CFAP97: variants seen among roughly 807,000 people sequenced by gnomAD.
CFAP97 encodes the protein cilia- and flagella-associated protein 97.
Under a neutral mutation model 43.1 loss-of-function variants are expected in CFAP97, and 36 were observed. The observed-to-expected ratio is 0.84, with a 90% confidence interval of 0.64 to 1.10. CFAP97 has a LOEUF of 1.10. Among genes scored for constraint, CFAP97 ranks in the 50% least tolerant of loss-of-function variants. CFAP97 has a pLI of 0.00. For missense variants in CFAP97, 657 were observed against 620.3 expected (o/e 1.06, Z -0.63); for synonymous variants, 228 against 225.7 (o/e 1.01, Z -0.09).
intron 2 of CFAP97, among the ~76,000 whole-genome samples, chr4:185,186,293 C>T (rs1341926853): frequency 6.6e-6 from 1 of 151,918 alleles, no homozygotes; most frequent in African/African-American, 2.4e-5. Context: ...ATTAGCCAGG[C>T]GTGGTGGAGG....
chr4:185,167,689 C>G (rs976464190), intron 3 of CFAP97, among the ~76,000 whole-genome samples: 8 of 151,994 alleles, frequency 5.3e-5, no homozygotes, highest in African/African-American at 1.9e-4. Context: ...AAAATAGTGC[C>G]TAGTATCTAG....
chr4:185,209,841 G>T, upstream of CFAP97: 1 of 983,530 alleles, frequency 1.0e-6, no homozygotes, highest in Non-Finnish European at 1.2e-6. This position sits in a 1 kb window ranked among gnomAD's most constrained non-coding sequence, Gnocchi z 5.2. Context: ...ACCCCGATGC[G>T]ACCGACAGTG....
rs1308304296 is a variant in CFAP97 at position 185,192,746 on chromosome 4, T to TG, written c.-16-1535_-16-1534insC. Among the ~76,000 whole-genome samples the TG allele has an allele frequency of 1.8e-4, 16 of 86,858 alleles. No individual in the cohort carries two copies. The South Asian group carries it at 5.8e-3, about 31-fold the overall frequency. The allele number at this position is 86,858 out of a possible 152,430, so 57.0% of individuals were successfully genotyped here. ...AGAATTGACCTTCTTTTTTTTTTTT[T>TG]TTTTTTTTTTTTGAGACGGAGTCTC... On this transcript the variant is annotated intron_variant, in intron 1 of 4. Transcript: ENST00000458385.
intron 4 of CFAP97, 150 bp downstream of exon 4, chr4:185,163,879 T>G (rs1399746845): frequency 1.5e-6 from 1 of 671,596 alleles, no homozygotes; most frequent in African/African-American, 1.8e-5. Flanking sequence ...TTAAGTGAAC[T>G]AATACAAATA....
At chr4:185,193,805 T>C (rs1736413467) in intron 1 of CFAP97, among the ~76,000 whole-genome samples, 1 of 151,998 alleles carries the variant, frequency 6.6e-6, no homozygotes, top group Non-Finnish European at 1.5e-5. Flanking sequence ...GGAGAATTGC[T>C]GAAACCCAGG....
chr4:185,192,902 G>A (rs1287508632), intron 1 of CFAP97, among the ~76,000 whole-genome samples: 4 of 151,914 alleles, frequency 2.6e-5, no homozygotes, highest in South Asian at 2.1e-4. Context: ...CACCACGCCC[G>A]GCTAATTTTT....
chr4:185,185,635 T>C (rs939621561), intron 2 of CFAP97, among the ~76,000 whole-genome samples: 30 of 132,790 alleles, frequency 2.3e-4, no homozygotes, highest in African/African-American at 8.6e-4. Flanking sequence ...TTGCCAACCT[T>C]TTTTTTTTTT....
At chr4:185,181,848 C>T (rs1420858878) in intron 2 of CFAP97, among the ~76,000 whole-genome samples, 6 of 152,144 alleles carry the variant, frequency 3.9e-5, no homozygotes, top group South Asian at 2.1e-4. Context: ...CCAGGCAGGA[C>T]GTGCTGGTAG....
At chr4:185,205,409 G>A (rs1186798558), upstream of CFAP97, among the ~76,000 whole-genome samples, 1 of 151,418 alleles carries the variant, frequency 6.6e-6, no homozygotes, top group Admixed American at 6.6e-5. Flanking sequence ...AGCCGAGATC[G>A]TGCCACTGCA....
At chr4:185,195,265 G>T (rs942021126) in intron 1 of CFAP97, among the ~76,000 whole-genome samples, 9 of 152,142 alleles carry the variant, frequency 5.9e-5, no homozygotes, top group African/African-American at 2.2e-4. Flanking sequence ...AAGGTGGGAG[G>T]ACTGCTTGAG....
chr4:185,192,733 CTTTTTTTT>C (rs760026667), intron 1 of CFAP97, among the ~76,000 whole-genome samples: 2 of 81,412 alleles, frequency 2.5e-5, no homozygotes, highest in African/African-American at 5.5e-5. Flanking sequence ...AATTGACCTT[CTTTTTTTT>C]TTTTTTTTTT....
At chr4:185,192,104 T>C (rs1225968561) in intron 1 of CFAP97, among the ~76,000 whole-genome samples, 5 of 152,034 alleles carry the variant, frequency 3.3e-5, no homozygotes, top group Admixed American at 2.0e-4. Context: ...TTACTGCAGT[T>C]AGGAAGGAAG....
At chr4:185,166,627 C>T (rs975641828) in intron 3 of CFAP97, among the ~76,000 whole-genome samples, 1 of 151,992 alleles carries the variant, frequency 6.6e-6, no homozygotes, top group Non-Finnish European at 1.5e-5. Context: ...AACAATAATG[C>T]AAAAAGTAAA....
At chr4:185,193,397 A>G (rs1013211435) in intron 1 of CFAP97, among the ~76,000 whole-genome samples, 8 of 152,202 alleles carry the variant, frequency 5.3e-5, no homozygotes, top group African/African-American at 1.9e-4. Flanking sequence ...CTGTAATCCC[A>G]GCACTTCGGG....
rs540788477 is a variant in CFAP97 at position 185,187,512 on chromosome 4, A to T, written c.1054+2631T>A. ...AAAGCTCCCAAAGATAGATGTCTAG[A>T]AAAAGGCTCTCCCTGGCAGAGACTT... On this transcript the variant is annotated intron_variant, in intron 2 of 4. Transcript: ENST00000458385. 2.6e-5 allele frequency among the ~76,000 whole-genome samples: 4 copies of T among 151,900 alleles called. No individual in the cohort carries two copies. In the South Asian group the frequency reaches 8.4e-4, roughly 32 times the overall value.
intron 1 of CFAP97, among the ~76,000 whole-genome samples, chr4:185,198,453 AAAAG>A (rs1307224179): frequency 2.0e-5 from 3 of 147,380 alleles, no homozygotes; most frequent in Non-Finnish European, 3.0e-5. Context: ...AAAAAAAAAA[AAAAG>A]AAAGAAAGGA....
rs1445610927 is a variant in CFAP97, at chr4:185,160,085, C to T, written c.*2713G>A. 8.0e-6 allele frequency: 1 copy of T among 125,272 alleles called. No individual in the cohort carries two copies. The highest frequency in any genetic ancestry group is 1.8e-5 in the Non-Finnish European group (1 of 56,954). 7.8% of individuals were successfully genotyped at this position (125,272 alleles called of 1,614,324 possible). On this transcript the variant is annotated 3_prime_UTR_variant, in exon 5 of 5. Transcript: ENST00000458385. ...CAGGTTAGCGGAGAGAAAACAACTGCATTACACTACATTTTTAAGCAAACC... is the reference window on the plus strand; with the variant it reads ...CAGGTTAGCGGAGAGAAAACAACTGTATTACACTACATTTTTAAGCAAACC...
intron 2 of CFAP97, among the ~76,000 whole-genome samples, chr4:185,187,131 A>T (rs964158197): frequency 6.6e-6 from 1 of 152,268 alleles, no homozygotes; most frequent in African/African-American, 2.4e-5. Context: ...AGGGGAGAAT[A>T]TTAATCAAAT....
intron 2 of CFAP97, among the ~76,000 whole-genome samples, chr4:185,188,555 G>A (rs1736102052): frequency 1.3e-5 from 2 of 152,098 alleles, no homozygotes; most frequent in Non-Finnish European, 2.9e-5. Context: ...TGTTGGCCAG[G>A]CTGCTCTCAA....
Sources: allele counts gnomAD v4.1 joint callset (sites outside exome capture counted in the v4.1 genomes callset), GRCh38; gene constraint gnomAD v4.1.1; non-coding constraint Gnocchi (gnomAD v3.1); transcripts MANE v1.5; gene names NCBI Gene and HGNC (gene_info 2026-07-23, HGNC 2026-07-21).